Variants in SMYD3 observed in about 807,000 individuals in gnomAD.
SMYD3 encodes histone-lysine N-methyltransferase SMYD3.
A neutral mutation model predicts 57.7 loss-of-function variants in SMYD3; 36 were observed. That is an observed-to-expected ratio of 0.62 (90% CI 0.48 to 0.82). SMYD3 has a LOEUF of 0.82. SMYD3 is among the 40% of genes least tolerant of loss of function. SMYD3 has a pLI of 0.00. For synonymous variants in SMYD3, 211 were observed against 195.0 expected (o/e 1.08, Z -0.68); for missense variants, 515 against 538.8 (o/e 0.96, Z 0.44).
intron 2 of SMYD3, among the ~76,000 whole-genome samples, chr1:246,335,884 A>G (rs2065535627): frequency 6.6e-6 from 1 of 152,234 alleles, no homozygotes; most frequent in Non-Finnish European, 1.5e-5. Context: ...AGAAGACTCA[A>G]AATAGGGATG....
intron 5 of SMYD3, chr1:245,988,392 AC>A (rs1367651740): frequency 6.6e-6 from 1 of 152,220 alleles, no homozygotes; most frequent in Non-Finnish European, 1.5e-5. Context: ...GAGAACACTT[AC>A]CTCAAAGAAT....
At chr1:245,938,253 T>C (rs1173611908) in intron 5 of SMYD3, among the ~76,000 whole-genome samples, 2 of 152,186 alleles carry the variant, frequency 1.3e-5, no homozygotes, top group Non-Finnish European at 2.9e-5. Context: ...GTACAAGCTG[T>C]GCGGGCCCGC....
chr1:246,238,776 A>C (rs993113874), intron 5 of SMYD3, among the ~76,000 whole-genome samples: 4 of 152,200 alleles, frequency 2.6e-5, no homozygotes, highest in Non-Finnish European at 4.4e-5. Flanking sequence ...CTAGATAATT[A>C]GATAAAAAAT....
In SMYD3 at chr1:246,355,359, G is replaced by A; in HGVS notation, c.165-265C>T. ...CCAGCTTGCAGCTCCCGATCGGACA[G>A]ACAGAGCAGCGTGTGGGGACTCACA... On this transcript the variant is annotated intron_variant, in intron 1 of 11. Coordinates refer to ENST00000490107, the MANE Select transcript of SMYD3 (RefSeq NM_001167740.2). This position sits in a 1 kb window ranked among gnomAD's most constrained non-coding sequence, Gnocchi z 5.0. 1 of 450,452 alleles carries A rather than the reference G, an allele frequency of 2.2e-6. No homozygotes were observed. The highest frequency in any genetic ancestry group is 4.0e-6 in the Non-Finnish European group (1 of 248,742). The allele number at this position is 450,452 out of a possible 1,614,324, so 27.9% of individuals were successfully genotyped here.
chr1:245,955,722 A>AC, intron 5 of SMYD3: 1 of 154,860 alleles, frequency 6.5e-6, no homozygotes, highest in South Asian at 2.1e-4. Flanking sequence ...GAGGTTCAGT[A>AC]CTATCCATGG....
chr1:246,476,208 C>T (rs532768578), intron 1 of SMYD3, among the ~76,000 whole-genome samples: 1 of 152,194 alleles, frequency 6.6e-6, no homozygotes, highest in Non-Finnish European at 1.5e-5. Context: ...ACGAACTCCT[C>T]TAAACATTGC....
At chr1:246,395,048 C>T (rs911440156) in intron 1 of SMYD3, among the ~76,000 whole-genome samples, 3 of 152,194 alleles carry the variant, frequency 2.0e-5, no homozygotes, top group African/African-American at 7.2e-5. Context: ...CTCAGCTACA[C>T]TTTATGATAT....
At chr1:246,235,412 G>T (rs781289510) in intron 5 of SMYD3, among the ~76,000 whole-genome samples, 1 of 152,166 alleles carries the variant, frequency 6.6e-6, no homozygotes, top group Non-Finnish European at 1.5e-5. Flanking sequence ...GGAGAATGCA[G>T]AATTATAAAA....
At chr1:246,030,269 A>G (rs1220645969) in intron 5 of SMYD3, among the ~76,000 whole-genome samples, 1 of 152,184 alleles carries the variant, frequency 6.6e-6, no homozygotes, top group Non-Finnish European at 1.5e-5. Flanking sequence ...ATTTGCAGCA[A>G]CAGGAATGAG....
chr1:245,760,921 G>A (rs1478849805), intron 11 of SMYD3, among the ~76,000 whole-genome samples: 2 of 152,038 alleles, frequency 1.3e-5, no homozygotes, highest in African/African-American at 4.8e-5. Context: ...CTCCCGCATT[G>A]CCTCGCTTAC....
chr1:245,803,570 C>G (rs902194371), intron 10 of SMYD3, among the ~76,000 whole-genome samples: 2 of 152,112 alleles, frequency 1.3e-5, no homozygotes, highest in Non-Finnish European at 2.9e-5. Flanking sequence ...AGAAGATGGA[C>G]GACAACTCAA....
intron 5 of SMYD3, among the ~76,000 whole-genome samples, chr1:246,194,688 A>C (rs1243893754): frequency 6.6e-6 from 1 of 152,216 alleles, no homozygotes; most frequent in Non-Finnish European, 1.5e-5. Context: ...TTAAAACATC[A>C]TTAAAATTAA....
At chr1:246,455,841 TTGC>T (rs1249774836) in intron 1 of SMYD3, among the ~76,000 whole-genome samples, 5 of 152,212 alleles carry the variant, frequency 3.3e-5, no homozygotes, top group Non-Finnish European at 7.3e-5. Context: ...ATATAGGTAT[TTGC>T]TGCTGATATG....
At chr1:246,028,381 G>C (rs1244299744) in intron 5 of SMYD3, among the ~76,000 whole-genome samples, 1 of 152,098 alleles carries the variant, frequency 6.6e-6, no homozygotes, top group Non-Finnish European at 1.5e-5. Flanking sequence ...ACTGATAAAT[G>C]AATTCAGTAA....
intron 5 of SMYD3, among the ~76,000 whole-genome samples, chr1:246,295,489 T>C (rs2064775968): frequency 6.6e-6 from 1 of 152,188 alleles, no homozygotes; most frequent in African/African-American, 2.4e-5. Flanking sequence ...ATTTCATAAG[T>C]TTTGATTTAA....
intron 5 of SMYD3, chr1:246,109,740 G>A (rs1007483515): frequency 6.6e-6 from 1 of 152,160 alleles, no homozygotes; most frequent in Non-Finnish European, 1.5e-5. Context: ...TGGTCTCCAG[G>A]TTTGTTTGTT....
chr1:246,292,770 T>C (rs1488449681), intron 5 of SMYD3, among the ~76,000 whole-genome samples: 4 of 152,156 alleles, frequency 2.6e-5, no homozygotes, highest in African/African-American at 4.8e-5. Flanking sequence ...AAAAGAGTCA[T>C]GCTGAAATTG....
chr1:246,358,446 T>C (rs2065938650), intron 1 of SMYD3, among the ~76,000 whole-genome samples: 1 of 152,238 alleles, frequency 6.6e-6, no homozygotes, highest in East Asian at 1.9e-4. Flanking sequence ...ACTTAAACTA[T>C]ACCCTAGAAC....
At chr1:246,123,571 A>AAC (rs557543331) in intron 5 of SMYD3, among the ~76,000 whole-genome samples, 26,878 of 129,280 alleles carry the variant, frequency 0.21, 2,704 homozygotes, top group Middle Eastern at 0.3. Context: ...TCCATCTCAA[A>AAC]ACACACACAC....
Sources: allele counts gnomAD v4.1 joint callset (sites outside exome capture counted in the v4.1 genomes callset), GRCh38; gene constraint gnomAD v4.1.1; non-coding constraint Gnocchi (gnomAD v3.1); transcripts MANE v1.5; gene names NCBI Gene and HGNC (gene_info 2026-07-23, HGNC 2026-07-21).